The following HCN1 variants were observed in gnomAD, a reference collection of about 807,000 sequenced individuals.
HCN1 encodes potassium/sodium hyperpolarization-activated cyclic nucleotide-gated channel 1.
A neutral mutation model predicts 78.9 loss-of-function variants in HCN1; 13 were observed. The observed-to-expected ratio is 0.16, with a 90% CI of 0.11 to 0.26. HCN1 has a LOEUF of 0.26. HCN1 is among the 10% of genes least tolerant of loss of function. The pLI, the probability that HCN1 is intolerant of heterozygous loss-of-function variation, is 1.00. For missense variants in HCN1, 810 were observed against 1,154.3 expected (o/e 0.70, Z 4.32); for synonymous variants, 552 against 455.5 (o/e 1.21, Z -2.70).
At chr5:45,270,325 C>G (rs1744936496) in intron 6 of HCN1, among the ~76,000 whole-genome samples, 1 of 152,176 alleles carries the variant, frequency 6.6e-6, no homozygotes, top group African/African-American at 2.4e-5. Context: ...CCAGCCTTAG[C>G]TGCAAGAAAG....
chr5:45,660,555 A>T (rs1339359793), intron 1 of HCN1, among the ~76,000 whole-genome samples: 1 of 151,918 alleles, frequency 6.6e-6, no homozygotes. Flanking sequence ...TATTCAGGAA[A>T]CCCATCTCAT....
At chr5:45,353,980 G>A (rs190114468) in intron 4 of HCN1, among the ~76,000 whole-genome samples, 1 of 151,878 alleles carries the variant, frequency 6.6e-6, no homozygotes, top group Admixed American at 6.6e-5. Flanking sequence ...CTTAATTCCC[G>A]AGATTGATTC....
rs561139747 is a variant in HCN1 at position 45,344,681 on chromosome 5, T to A, written c.1377+8419A>T. 2.2e-3 allele frequency among the ~76,000 whole-genome samples: 339 copies of A among 152,310 alleles called. 2 individuals are homozygous for A. The highest frequency in any genetic ancestry group is 7.9e-3 in the African/African-American group (330 of 41,580). ...TCCAAAATGACCTCCTTTGACTCCA[T>A]GTCTCACATCCAGGGCATGCTGATG... On this transcript the variant is annotated intron_variant, in intron 5 of 7. Coordinates refer to ENST00000303230, the MANE Select transcript of HCN1 (RefSeq NM_021072.4).
At chr5:45,401,943 G>C (rs1021827423) in intron 3 of HCN1, among the ~76,000 whole-genome samples, 1 of 152,034 alleles carries the variant, frequency 6.6e-6, no homozygotes, top group Non-Finnish European at 1.5e-5. Flanking sequence ...TCCAACAGGG[G>C]TTTAAACTGA....
intron 5 of HCN1, among the ~76,000 whole-genome samples, chr5:45,306,175 T>C (rs1745730269): frequency 6.6e-6 from 1 of 151,984 alleles, no homozygotes; most frequent in Admixed American, 6.6e-5. Flanking sequence ...GTGTAGGAAA[T>C]TGAAAATAAG....
At chr5:45,279,037 T>G (rs1326877001) in intron 6 of HCN1, among the ~76,000 whole-genome samples, 1 of 152,154 alleles carries the variant, frequency 6.6e-6, no homozygotes, top group Non-Finnish European at 1.5e-5. Flanking sequence ...ACATACATTT[T>G]TTTCCTTACA....
At chr5:45,265,907 G>T in intron 7 of HCN1, among the ~76,000 whole-genome samples, 1 of 152,138 alleles carries the variant, frequency 6.6e-6, no homozygotes, top group East Asian at 1.9e-4. Context: ...GGCTATAGGA[G>T]AATGCATCCA....
At chr5:45,309,827 C>CT (rs1007361595) in intron 5 of HCN1, among the ~76,000 whole-genome samples, 17 of 152,010 alleles carry the variant, frequency 1.1e-4, no homozygotes, top group African/African-American at 3.4e-4. Flanking sequence ...CTGAAGTTTT[C>CT]TTTTTTTGTT....
intron 2 of HCN1, among the ~76,000 whole-genome samples, chr5:45,490,743 AT>A (rs1253526541): frequency 1.3e-5 from 2 of 152,088 alleles, no homozygotes; most frequent in African/African-American, 4.8e-5. Flanking sequence ...TGTACTCACA[AT>A]TTTTTTAAAT....
intron 3 of HCN1, among the ~76,000 whole-genome samples, chr5:45,430,623 C>CT (rs1310024155): frequency 2.0e-5 from 3 of 151,934 alleles, no homozygotes; most frequent in Admixed American, 6.6e-5. Context: ...TGATATTGTT[C>CT]TTTTTTATGG....
chr5:45,646,918 G>A (rs1204705375), intron 1 of HCN1, among the ~76,000 whole-genome samples: 2 of 152,050 alleles, frequency 1.3e-5, no homozygotes, highest in African/African-American at 4.8e-5. Context: ...TGATAAAAAT[G>A]TCTGTTTACC....
At chr5:45,331,869 T>C (rs192528177) in intron 5 of HCN1, among the ~76,000 whole-genome samples, 29 of 151,570 alleles carry the variant, frequency 1.9e-4, no homozygotes, top group African/African-American at 7.0e-4. Context: ...ATTCATTGAG[T>C]TGACATACAT....
chr5:45,582,844 C>G (rs975687101), intron 2 of HCN1, among the ~76,000 whole-genome samples: 1 of 152,162 alleles, frequency 6.6e-6, no homozygotes, highest in African/African-American at 2.4e-5. Context: ...GTATGTTGAA[C>G]CAGCTTTGCA....
chr5:45,359,958 TA>T lies in HCN1; in HGVS notation c.1231-6713del, dbSNP rs201761265. The stretch of plus-strand genomic sequence containing the variant: ...GACTTTGAGTATATATATATATATA[TA>T]TTTTTTTTACCTTTCAGTTTTTCAG... On this transcript the variant is annotated intron_variant, in intron 4 of 7. Coordinates refer to ENST00000303230, the MANE Select transcript of HCN1 (RefSeq NM_021072.4). Among the ~76,000 whole-genome samples, 170 of 150,630 alleles carry T rather than the reference TA, an allele frequency of 1.1e-3. 1 individual carries two copies. Among genetic ancestry groups the T allele is most frequent in the African/African-American group, 3.4e-3 (139 of 41,268 alleles).
At chr5:45,264,081 C>T (rs1366664836) in intron 7 of HCN1, among the ~76,000 whole-genome samples, 1 of 152,230 alleles carries the variant, frequency 6.6e-6, no homozygotes, top group Non-Finnish European at 1.5e-5. Context: ...GCGTGAGCCA[C>T]CACGCCCAGC....
At chr5:45,318,316 A>G (rs1014902945) in intron 5 of HCN1, among the ~76,000 whole-genome samples, 2 of 152,202 alleles carry the variant, frequency 1.3e-5, no homozygotes, top group East Asian at 3.9e-4. Flanking sequence ...TCGCAAGGAC[A>G]AAAAAACAAA....
At chr5:45,654,405 C>T (rs901087247) in intron 1 of HCN1, among the ~76,000 whole-genome samples, 1 of 152,098 alleles carries the variant, frequency 6.6e-6, no homozygotes, top group East Asian at 1.9e-4. Context: ...TCTAAAACTA[C>T]TCCTTAACTT....
At chr5:45,595,838 T>C (rs1744480897) in intron 2 of HCN1, among the ~76,000 whole-genome samples, 1 of 151,982 alleles carries the variant, frequency 6.6e-6, no homozygotes, top group East Asian at 1.9e-4. Context: ...CATATGACTT[T>C]TTTTTTTTAC....
intron 1 of HCN1, among the ~76,000 whole-genome samples, chr5:45,685,941 A>G (rs1349370948): frequency 6.6e-6 from 1 of 152,290 alleles, no homozygotes; most frequent in African/African-American, 2.4e-5. Flanking sequence ...TAATTTTTCA[A>G]ACAACTAACA....
Sources: allele counts gnomAD v4.1 joint callset (sites outside exome capture counted in the v4.1 genomes callset), GRCh38; gene constraint gnomAD v4.1.1; transcripts MANE v1.5; gene names NCBI Gene and HGNC (gene_info 2026-07-23, HGNC 2026-07-21).